The following SINHCAF variants were observed in gnomAD, a reference collection of about 807,000 sequenced individuals.
SINHCAF encodes SIN3-HDAC complex associated factor.
SINHCAF carries 3 observed loss-of-function variants against 25.8 expected under a neutral mutation model. That is an observed-to-expected ratio of 0.12 (90% CI 0.05 to 0.30). SINHCAF has a LOEUF of 0.30. Among genes scored for constraint, SINHCAF ranks in the 10% least tolerant of loss-of-function variants. The pLI is 1.00. For synonymous variants in SINHCAF, 70 were observed against 85.5 expected, an observed-to-expected ratio of 0.82 and a Z score of 1.00; for missense variants, 121 against 262.3, an observed-to-expected ratio of 0.46 and a Z score of 3.72.
chr12:31,308,814 TAC>T (rs1195969999), intron 1 of SINHCAF, among the ~76,000 whole-genome samples: 2 of 151,996 alleles, frequency 1.3e-5, no homozygotes, highest in African/African-American at 4.8e-5. Flanking sequence ...AAAAAGGCAC[TAC>T]AGAGATCCGC....
At chr12:31,308,701 T>C (rs1490341701) in intron 1 of SINHCAF, among the ~76,000 whole-genome samples, 1 of 152,030 alleles carries the variant, frequency 6.6e-6, no homozygotes, top group Non-Finnish European at 1.5e-5. Context: ...GAAAAGTAAG[T>C]GGGGCGCTGT....
chr12:31,305,031 C>T (rs1393602604), intron 1 of SINHCAF: 1 of 152,252 alleles, frequency 6.6e-6, no homozygotes, highest in East Asian at 1.9e-4. Context: ...CAGATGTTGT[C>T]AACTTCTCGT....
In SINHCAF at chr12:31,282,216, GACTT is replaced by G. The variant is rs1453827492; in HGVS notation, c.*492_*495del. 1 of 151,072 alleles carries G rather than the reference GACTT, an allele frequency of 6.6e-6. No individual in the cohort carries two copies. The highest frequency in any genetic ancestry group is 1.5e-5 in the Non-Finnish European group (1 of 67,732). The allele number at this position is 151,072 out of a possible 1,614,324, so 9.4% of individuals were successfully genotyped here. A position where few individuals can be genotyped will look rare whatever the true frequency, so the allele number is the denominator to read the frequency against. ...TTAGAAGGGGATTAAAAAAAAAAAA[GACTT>G]AAAGAGCACTTTACAGCAGCATTCA... On this transcript the variant is annotated 3_prime_UTR_variant, in exon 6 of 6. Transcript: ENST00000337682.
intron 1 of SINHCAF, among the ~76,000 whole-genome samples, chr12:31,314,079 C>T (rs1033661183): frequency 2.0e-5 from 3 of 152,114 alleles, no homozygotes. Context: ...TCCGTCACTT[C>T]TGAACAAGAG....
In SINHCAF at chr12:31,325,425, A is replaced by G. The variant is rs181259074; in HGVS notation, c.-21+599T>C. 1.1e-4 allele frequency: 39 copies of G among 351,330 alleles called. No individual in the cohort carries two copies. The highest frequency in any genetic ancestry group is 7.7e-4 in the African/African-American group (36 of 46,690). The allele number at this position is 351,330 out of a possible 1,614,324, so 21.8% of individuals were successfully genotyped here. ...CGGCAGAGCCCAGCACTGACCCCCA[A>G]AGGCCGATTTAAAGACCCTCGGCCG... is the stretch of plus-strand genomic sequence containing the variant. On this transcript the variant is annotated intron_variant, in intron 1 of 5. Coordinates refer to ENST00000337682, the MANE Select transcript of SINHCAF (RefSeq NM_001135812.2). This position sits in a 1 kb window ranked among gnomAD's most constrained non-coding sequence, Gnocchi z 5.9.
At chr12:31,288,758 C>T (rs1173084761) in intron 4 of SINHCAF, among the ~76,000 whole-genome samples, 10 of 152,026 alleles carry the variant, frequency 6.6e-5, no homozygotes, top group Admixed American at 6.6e-4. Context: ...GTCCAGGTTT[C>T]AATAAAAAAT....
intron 1 of SINHCAF, among the ~76,000 whole-genome samples, chr12:31,322,481 C>T (rs1245588809): frequency 6.6e-6 from 1 of 152,124 alleles, no homozygotes; most frequent in East Asian, 1.9e-4. Flanking sequence ...CTATTTAATA[C>T]AGAAATGTAC....
chr12:31,293,733 A>C, intron 4 of SINHCAF, 72 bp downstream of exon 4: 1 of 1,327,698 alleles, frequency 7.5e-7, no homozygotes, highest in Non-Finnish European at 1.0e-6. Flanking sequence ...TGATCCACAC[A>C]TGCCATACAC....
chr12:31,314,613 A>G (rs111686636), intron 1 of SINHCAF, among the ~76,000 whole-genome samples: 1 of 150,318 alleles, frequency 6.7e-6, no homozygotes, highest in African/African-American at 2.5e-5. Flanking sequence ...TTTTTTTTTT[A>G]ATAGGAGAGT....
rs951223632 is a variant in SINHCAF, at chr12:31,324,915, G to T, written c.-21+1109C>A. The stretch of plus-strand genomic sequence containing the variant: ...GACTTTCACTCTGCTTTTTAAACTG[G>T]CAAGACGCCATCATCAGCAAACCAC... On this transcript the variant is annotated intron_variant, in intron 1 of 5. Coordinates refer to ENST00000337682, the MANE Select transcript of SINHCAF (RefSeq NM_001135812.2). This position sits in a 1 kb window ranked among gnomAD's most constrained non-coding sequence, Gnocchi z 5.5. 4 of 454,446 alleles carry T rather than the reference G, an allele frequency of 8.8e-6. No individual in the cohort carries two copies. Among genetic ancestry groups the T allele is most frequent in the Non-Finnish European group, 1.8e-5 (4 of 225,492 alleles). The allele number at this position is 454,446 out of a possible 1,614,324, so 28.2% of individuals were successfully genotyped here. A position where few individuals can be genotyped will look rare whatever the true frequency, so the allele number is the denominator to read the frequency against.
At position 31,281,513 on chromosome 12, in the gene SINHCAF, TTCAATGAAG is replaced by T. The variant is rs1316558553; in HGVS notation, c.*1190_*1198del. On this transcript the variant is annotated 3_prime_UTR_variant, in exon 6 of 6. Transcript: ENST00000337682. ...GAGCTGAAACTGAATTGTGCAGATT[TTCAATGAAG>T]TCACAGAAGTCATGTAACACAAACA... 1 of 152,214 alleles carries T rather than the reference TTCAATGAAG, an allele frequency of 6.6e-6. No individual in the cohort carries two copies. Among genetic ancestry groups the T allele is most frequent in the African/African-American group, 2.4e-5 (1 of 41,456 alleles). The allele number at this position is 152,214 out of a possible 1,614,324, so 9.4% of individuals were successfully genotyped here. A position where few individuals can be genotyped will look rare whatever the true frequency, so the allele number is the denominator to read the frequency against.
intron 1 of SINHCAF, among the ~76,000 whole-genome samples, chr12:31,322,085 T>G (rs1359805600): frequency 6.6e-6 from 1 of 152,136 alleles, no homozygotes; most frequent in Non-Finnish European, 1.5e-5. Context: ...TGTCCACCAG[T>G]GATCTAGAAT....
intron 1 of SINHCAF, chr12:31,302,874 A>G (rs2137103882): frequency 2.1e-6 from 2 of 938,706 alleles, no homozygotes; most frequent in East Asian, 1.2e-4. Flanking sequence ...TTAGTAAAAT[A>G]TTTAACAAAC....
At chr12:31,286,532 C>CTGTA (rs1204530512) in intron 5 of SINHCAF, among the ~76,000 whole-genome samples, 2 of 151,938 alleles carry the variant, frequency 1.3e-5, no homozygotes, top group Non-Finnish European at 2.9e-5. Flanking sequence ...GTGTGGTGGC[C>CTGTA]ATGCACCTGT....
intron 4 of SINHCAF, among the ~76,000 whole-genome samples, chr12:31,288,057 G>A (rs1208894092): frequency 6.6e-6 from 1 of 152,030 alleles, no homozygotes; most frequent in Non-Finnish European, 1.5e-5. Context: ...GACTCCAAAA[G>A]GTGATGATCA....
intron 1 of SINHCAF, among the ~76,000 whole-genome samples, chr12:31,315,344 C>G (rs1047173136): frequency 6.6e-6 from 1 of 152,188 alleles, no homozygotes; most frequent in South Asian, 2.1e-4. Context: ...ATCTGATAAA[C>G]AAGTTTACAA....
chr12:31,282,674 A>ATTT lies in SINHCAF; in HGVS notation c.*35_*37dup. The ATTT allele has an allele frequency of 5.1e-6, 6 of 1,182,256 alleles. No individual in the cohort carries two copies. The highest frequency in any genetic ancestry group is 1.7e-5 in the African/African-American group (1 of 60,160). The allele number at this position is 1,182,256 out of a possible 1,614,324, so 73.2% of individuals were successfully genotyped here. Reference sequence around the variant, plus strand: ...CTTTGTGGTTTTTCAAAATTCAGATATTTTTTTTTTTGTTCCCCTTCTACA... The same window carrying ATTT: ...CTTTGTGGTTTTTCAAAATTCAGATATTTTTTTTTTTTTTGTTCCCCTTCTACA... On this transcript the variant is annotated 3_prime_UTR_variant, in exon 6 of 6. Transcript: ENST00000337682.
At chr12:31,284,676 T>C (rs1937959511) in intron 5 of SINHCAF, among the ~76,000 whole-genome samples, 2 of 152,214 alleles carry the variant, frequency 1.3e-5, no homozygotes, top group South Asian at 4.1e-4. Context: ...CATGTTGTTC[T>C]TAATATCCTA....
chr12:31,298,109 T>C lies in SINHCAF; in HGVS notation c.96A>G (p.Lys32=), dbSNP rs1167649285. 2 of 1,614,100 alleles carry C rather than the reference T, an allele frequency of 1.2e-6. No individual in the cohort carries two copies. The highest frequency in any genetic ancestry group is 1.7e-5 in the Admixed American group (1 of 60,020). The part of the protein sequence containing the change: ...KSSSSRFTDS[K]RYEKDFQSCF... ...AGCTCTGGAAGTCCTTTTCATAGCG[T>C]TTACTGTCAGTGAATCGAGAACTGG... Residue 32 remains lysine (K), a synonymous_variant, in exon 2 of 6, where the codon AAA becomes AAG. Coordinates refer to ENST00000337682, the MANE Select transcript of SINHCAF (RefSeq NM_001135812.2).
Sources: gnomAD v4.1 joint callset for allele counts (sites outside exome capture counted in the v4.1 genomes callset) on GRCh38, gnomAD v4.1.1 for gene constraint, Gnocchi (gnomAD v3.1) non-coding constraint, MANE v1.5 for transcripts, NCBI Gene and HGNC (gene_info 2026-07-23, HGNC 2026-07-21) for gene names.